Variants in DNAAF9 observed in about 807,000 individuals in gnomAD.
The protein encoded by DNAAF9 is dynein axonemal assembly factor 9, also known as shulin.
A neutral mutation model predicts 167.0 loss-of-function variants in DNAAF9; 90 were observed. That is an observed-to-expected ratio of 0.54 (90% confidence interval 0.45 to 0.64). DNAAF9 has a LOEUF of 0.64. Ranked by LOEUF, DNAAF9 falls within the 30% of genes least tolerant of loss-of-function variation. DNAAF9 has a pLI of 0.00. For synonymous variants in DNAAF9, 491 were observed against 508.8 expected (o/e 0.96, Z 0.47); for missense variants, 1,315 against 1,442.2 (o/e 0.91, Z 1.43).
In DNAAF9 at chr20:3,358,402, G is replaced by C. The variant is rs1404791744; in HGVS notation, c.690+1114C>G. Among the ~76,000 whole-genome samples the C allele has an allele frequency of 2.0e-5, 3 of 152,042 alleles. No homozygotes were observed. The East Asian group carries it at 5.8e-4, about 29-fold the overall frequency. On this transcript the variant is annotated intron_variant, in intron 7 of 36. Transcript: ENST00000252032. ...GGATTCAAGCGATTCTCCTGCCTCA[G>C]CCTTCTGAGTAGCTGGGATTACAGG...
Position 3,348,120 on chromosome 20 carries a change from A to G in DNAAF9, c.789+405T>C, listed in dbSNP as rs116252604. On this transcript the variant is annotated intron_variant, in intron 8 of 36. Coordinates refer to ENST00000252032, the MANE Select transcript of DNAAF9 (RefSeq NM_001009984.3). ...AGGCTGTCCTGTGTCTTGGTTGTCA[A>G]TCTAGATACTTCAGGTTTACTCATG... 4.1e-3 allele frequency among the ~76,000 whole-genome samples: 621 copies of G among 152,240 alleles called. 8 individuals carry two copies. The highest frequency in any genetic ancestry group is 0.014 in the African/African-American group (593 of 41,538).
At chr20:3,328,547 C>T (rs1213586669) in intron 12 of DNAAF9, among the ~76,000 whole-genome samples, 1 of 152,128 alleles carries the variant, frequency 6.6e-6, no homozygotes, top group Non-Finnish European at 1.5e-5. Context: ...GGCAAATCTC[C>T]CAATGTGCAC....
chr20:3,273,321 C>T (rs150796786), intron 29 of DNAAF9, among the ~76,000 whole-genome samples: 8 of 151,942 alleles, frequency 5.3e-5, no homozygotes, highest in African/African-American at 1.7e-4. Context: ...TTATTGAGGG[C>T]GAAACTCAGA....
intron 29 of DNAAF9, among the ~76,000 whole-genome samples, chr20:3,271,855 G>A (rs888343914): frequency 5.9e-5 from 9 of 151,966 alleles, no homozygotes; most frequent in Admixed American, 2.0e-4. Context: ...TCCCGACCTC[G>A]TGATCTGCCT....
intron 21 of DNAAF9, among the ~76,000 whole-genome samples, chr20:3,303,634 A>C (rs1276501246): frequency 3.3e-5 from 5 of 152,236 alleles, no homozygotes; most frequent in Admixed American, 6.5e-5. Context: ...ATATGGAAGA[A>C]AAACTTGCTC....
intron 8 of DNAAF9, among the ~76,000 whole-genome samples, chr20:3,347,281 A>C (rs577603768): frequency 6.8e-4 from 103 of 152,364 alleles, no homozygotes; most frequent in African/African-American, 2.3e-3. Flanking sequence ...TCAATCTAGA[A>C]TCTAGACATG....
chr20:3,262,655 G>A (rs2068412542), intron 31 of DNAAF9, among the ~76,000 whole-genome samples: 1 of 152,140 alleles, frequency 6.6e-6, no homozygotes, highest in South Asian at 2.1e-4. Context: ...AGTCAGTAAG[G>A]ACTGGAGAAC....
chr20:3,299,249 AAAGT>A lies in DNAAF9; in HGVS notation c.1783-1078_1783-1075del, dbSNP rs577774223. Among the ~76,000 whole-genome samples the A allele has an allele frequency of 2.1e-3, 322 of 152,222 alleles. 1 individual carries two copies. The highest frequency in any genetic ancestry group is 7.3e-3 in the African/African-American group (304 of 41,528). On this transcript the variant is annotated intron_variant, in intron 21 of 36. Transcript: ENST00000252032. ...TCAGTTAATTTATTGTACAGGGTAT[AAAGT>A]AAGGGTCAAACTTCATTCTTTTGCA...
chr20:3,283,058 G>A (rs2068789068), intron 27 of DNAAF9, among the ~76,000 whole-genome samples: 1 of 152,244 alleles, frequency 6.6e-6, no homozygotes, highest in African/African-American at 2.4e-5. Flanking sequence ...CAGGGTAGGT[G>A]AATAAACTGG....
chr20:3,289,251 G>A (rs1004198624), intron 26 of DNAAF9, among the ~76,000 whole-genome samples: 10 of 152,118 alleles, frequency 6.6e-5, no homozygotes, highest in African/African-American at 1.9e-4. Flanking sequence ...AAACCTGCAC[G>A]TTGTGCACAT....
intron 17 of DNAAF9, among the ~76,000 whole-genome samples, chr20:3,317,924 T>C (rs1171546444): frequency 6.6e-6 from 1 of 152,120 alleles, no homozygotes; most frequent in Non-Finnish European, 1.5e-5. Context: ...TGACTACTAG[T>C]GAGATTACAT....
rs386393120 is a variant in DNAAF9 at position 3,268,897 on chromosome 20, C to CT, written c.2786+1529dup. 9.0e-3 allele frequency among the ~76,000 whole-genome samples: 773 copies of CT among 85,804 alleles called. 24 individuals are homozygous for CT. Among genetic ancestry groups the CT allele is most frequent in the Middle Eastern group, 0.03 (3 of 100 alleles). The allele number at this position is 85,804 out of a possible 152,430, so 56.3% of individuals were successfully genotyped here. On this transcript the variant is annotated intron_variant, in intron 30 of 36. Coordinates refer to ENST00000252032, the MANE Select transcript of DNAAF9 (RefSeq NM_001009984.3). ...GTAAAGAGATAATATCTCTATGTTA[C>CT]TTTTTTTTTTTTTTTTTTTTTTTTG...
At chr20:3,318,847 G>A (rs1187075646) in intron 16 of DNAAF9, among the ~76,000 whole-genome samples, 1 of 152,102 alleles carries the variant, frequency 6.6e-6, no homozygotes, top group African/African-American at 2.4e-5. Context: ...GGGAGGTTGA[G>A]GCGGGTGGAT....
intron 7 of DNAAF9, among the ~76,000 whole-genome samples, chr20:3,357,700 T>C (rs2083306825): frequency 6.6e-6 from 1 of 152,180 alleles, no homozygotes; most frequent in Non-Finnish European, 1.5e-5. Flanking sequence ...TTCAGGTTTT[T>C]TCTTTTTTTA....
At chr20:3,407,386 G>C in intron 1 of DNAAF9, 89 bp downstream of exon 1, 1 of 1,088,312 alleles carries the variant, frequency 9.2e-7, no homozygotes, top group Non-Finnish European at 1.2e-6. Context: ...AGCCATGTCG[G>C]ACCACGCCCT....
chr20:3,316,055 T>C, intron 18 of DNAAF9: 2 of 496,666 alleles, frequency 4.0e-6, no homozygotes, highest in Non-Finnish European at 3.6e-6. Context: ...TCTCCACCTG[T>C]ATTTCACTTC....
intron 29 of DNAAF9, among the ~76,000 whole-genome samples, chr20:3,273,985 G>A (rs2122826595): frequency 6.6e-6 from 1 of 151,910 alleles, no homozygotes; most frequent in East Asian, 1.9e-4. Flanking sequence ...TTTTGGTAAA[G>A]CTTACATCTT....
intron 6 of DNAAF9, among the ~76,000 whole-genome samples, chr20:3,360,303 A>T (rs571683135): frequency 9.9e-5 from 15 of 152,262 alleles, no homozygotes; most frequent in Non-Finnish European, 1.9e-4. Flanking sequence ...TAGTTCTTCT[A>T]CACCCATTCC....
chr20:3,281,882 C>A (rs2068770637), intron 27 of DNAAF9, 116 bp from the exon 28 acceptor site: 2 of 982,526 alleles, frequency 2.0e-6, no homozygotes, highest in Non-Finnish European at 3.1e-6. Context: ...AAAGGAAGAG[C>A]CCGCAATCTG....
Sources: gnomAD v4.1 joint callset for allele counts (sites outside exome capture counted in the v4.1 genomes callset) on GRCh38, gnomAD v4.1.1 for gene constraint, MANE v1.5 for transcripts, NCBI Gene and HGNC (gene_info 2026-07-23, HGNC 2026-07-21) for gene names.